The following PLD5 variants were observed in gnomAD, a reference collection of about 807,000 sequenced individuals.
PLD5 encodes the protein inactive phospholipase D5.
A neutral mutation model predicts 61.1 loss-of-function variants in PLD5; 36 were observed. That is an observed-to-expected ratio of 0.59 (90% CI 0.45 to 0.78). The LOEUF is 0.78. PLD5 is among the 30% of genes least tolerant of loss of function. The pLI is 0.00. For synonymous variants in PLD5, 243 were observed against 242.8 expected (o/e 1.00, Z -0.01); for missense variants, 515 against 644.4 (o/e 0.80, Z 2.17).
intron 3 of PLD5, among the ~76,000 whole-genome samples, chr1:242,284,998 C>T (rs1674936426): frequency 1.3e-5 from 2 of 152,312 alleles, no homozygotes; most frequent in South Asian, 4.1e-4. Context: ...AGATGAGAGG[C>T]AGCTAAGAGG....
At chr1:242,481,799 A>C (rs1019019753) in intron 1 of PLD5, among the ~76,000 whole-genome samples, 1 of 152,174 alleles carries the variant, frequency 6.6e-6, no homozygotes, top group South Asian at 2.1e-4. Flanking sequence ...CCTAACTGAG[A>C]GGCACCCCCT....
At chr1:242,291,354 G>A (rs1411763634) in intron 2 of PLD5, among the ~76,000 whole-genome samples, 2 of 152,124 alleles carry the variant, frequency 1.3e-5, no homozygotes, top group African/African-American at 4.8e-5. Context: ...ATGGATTATA[G>A]GATGTGTGAG....
chr1:242,364,482 C>A, intron 1 of PLD5, among the ~76,000 whole-genome samples: 1 of 152,050 alleles, frequency 6.6e-6, no homozygotes, highest in East Asian at 1.9e-4. Flanking sequence ...TTTGGGAGGC[C>A]GGGGTGGGCG....
chr1:242,388,586 T>C (rs973892276), intron 1 of PLD5, among the ~76,000 whole-genome samples: 3 of 152,002 alleles, frequency 2.0e-5, no homozygotes, highest in East Asian at 1.9e-4. Flanking sequence ...GTAGGGGAAA[T>C]ATACACAGAA....
At chr1:242,290,159 G>A (rs1310570426) in intron 2 of PLD5, among the ~76,000 whole-genome samples, 6 of 148,122 alleles carry the variant, frequency 4.1e-5, no homozygotes, top group Non-Finnish European at 8.9e-5. Context: ...TCAAATAGGA[G>A]GTAGACTCTA....
intron 2 of PLD5, among the ~76,000 whole-genome samples, chr1:242,317,894 TG>T (rs1658119719): frequency 6.6e-6 from 1 of 152,098 alleles, no homozygotes; most frequent in Non-Finnish European, 1.5e-5. Context: ...GCCCTTTCAA[TG>T]GGGGATCAGT....
At chr1:242,354,423 G>A (rs1422852018) in intron 1 of PLD5, among the ~76,000 whole-genome samples, 1 of 152,190 alleles carries the variant, frequency 6.6e-6, no homozygotes, top group Non-Finnish European at 1.5e-5. Context: ...TGGCCAATAA[G>A]TCAGCCGTGC....
At chr1:242,340,938 A>G (rs1042891600) in intron 2 of PLD5, among the ~76,000 whole-genome samples, 25 of 151,970 alleles carry the variant, frequency 1.6e-4, no homozygotes, top group Non-Finnish European at 2.9e-4. Flanking sequence ...CTGCGGTATC[A>G]TTGTGTCTAT....
rs76389056 is a variant in PLD5 at position 242,507,736 on chromosome 1, C to T, written c.189+16352G>A. Among the ~76,000 whole-genome samples the T allele has an allele frequency of 1.1e-4, 16 of 152,244 alleles. 1 individual carries two copies. Among genetic ancestry groups the T allele is most frequent in the African/African-American group, 3.9e-4 (16 of 41,552 alleles). On this transcript the variant is annotated intron_variant, in intron 1 of 9. Transcript: ENST00000536534. Reference sequence around the variant, plus strand: ...AACTAGAAATCTACTCTGTTCATATCGGGAAGGAAATGTTTTCCTAGATAA... The same window carrying T: ...AACTAGAAATCTACTCTGTTCATATTGGGAAGGAAATGTTTTCCTAGATAA...
At chr1:242,104,139 C>T (rs1029821645) in intron 8 of PLD5, among the ~76,000 whole-genome samples, 12 of 142,710 alleles carry the variant, frequency 8.4e-5, no homozygotes, top group East Asian at 2.0e-4. Context: ...GTTTTTGCTT[C>T]GAGACAGTCT....
At chr1:242,361,455 T>C (rs1302564477) in intron 1 of PLD5, among the ~76,000 whole-genome samples, 3 of 152,138 alleles carry the variant, frequency 2.0e-5, no homozygotes, top group Non-Finnish European at 4.4e-5. Context: ...CCTTAACAGG[T>C]ATAATTCCAG....
At chr1:242,332,720 T>C (rs191198854) in intron 2 of PLD5, among the ~76,000 whole-genome samples, 1 of 152,326 alleles carries the variant, frequency 6.6e-6, no homozygotes, top group African/African-American at 2.4e-5. Flanking sequence ...CTCAGCTCAA[T>C]ATTATGGACT....
chr1:242,410,303 A>T (rs1340049553), intron 1 of PLD5, among the ~76,000 whole-genome samples: 1 of 152,188 alleles, frequency 6.6e-6, no homozygotes, highest in African/African-American at 2.4e-5. Flanking sequence ...GAACTGTCCC[A>T]AACTCAGCAC....
chr1:242,144,839 T>G (rs1041357612), intron 5 of PLD5, among the ~76,000 whole-genome samples: 1 of 152,026 alleles, frequency 6.6e-6, no homozygotes, highest in Non-Finnish European at 1.5e-5. Context: ...CTGGGTTTCT[T>G]AAGTGGGTGG....
chr1:242,372,292 C>T (rs1192249705), intron 1 of PLD5, among the ~76,000 whole-genome samples: 1 of 152,140 alleles, frequency 6.6e-6, no homozygotes, highest in East Asian at 1.9e-4. Flanking sequence ...AAAAGCCCTG[C>T]TTTGTGGAGC....
rs998170812 is a variant in PLD5, at chr1:242,204,883, C to CA, written c.735+15104dup. Among the ~76,000 whole-genome samples, 321 of 151,376 alleles carry CA rather than the reference C, an allele frequency of 2.1e-3. 1 individual carries two copies. The highest frequency in any genetic ancestry group is 6.7e-3 in the African/African-American group (276 of 41,290). ...GCCAAACAAAGAGCTTAGTAACAGCCAAAAAAAAGAATAAGGCTGGCAAAA... is the reference window on the plus strand; with the variant it reads ...GCCAAACAAAGAGCTTAGTAACAGCCAAAAAAAAAGAATAAGGCTGGCAAAA... On this transcript the variant is annotated intron_variant, in intron 5 of 9. Coordinates refer to ENST00000536534, the MANE Select transcript of PLD5 (RefSeq NM_001372062.1).
chr1:242,432,461 C>T (rs1364823030), intron 1 of PLD5, among the ~76,000 whole-genome samples: 2 of 152,234 alleles, frequency 1.3e-5, no homozygotes, highest in African/African-American at 4.8e-5. Context: ...TCATTCACAC[C>T]TCTGTGTGGT....
intron 1 of PLD5, among the ~76,000 whole-genome samples, chr1:242,425,061 G>T (rs1194428730): frequency 1.3e-5 from 2 of 152,188 alleles, no homozygotes; most frequent in Non-Finnish European, 2.9e-5. Context: ...GAACCCAGGA[G>T]GCAGAGGTTG....
At chr1:242,511,881 G>T (rs1377506461) in intron 1 of PLD5, among the ~76,000 whole-genome samples, 1 of 152,178 alleles carries the variant, frequency 6.6e-6, no homozygotes, top group African/African-American at 2.4e-5. Flanking sequence ...GGAGATGCTT[G>T]TACTATGTTT....
Sources: allele counts gnomAD v4.1 joint callset (sites outside exome capture counted in the v4.1 genomes callset), GRCh38; gene constraint gnomAD v4.1.1; transcripts MANE v1.5; gene names NCBI Gene and HGNC (gene_info 2026-07-23, HGNC 2026-07-21).